The following FAM227B variants were observed in gnomAD, a reference collection of about 807,000 sequenced individuals.
FAM227B encodes the protein protein FAM227B.
FAM227B carries 88 observed loss-of-function variants against 73.8 expected under a neutral mutation model. The observed-to-expected ratio is 1.19, with a 90% CI of 1.00 to 1.42. FAM227B has a LOEUF of 1.42. Ranked by LOEUF, FAM227B falls within the 40% of genes most tolerant of loss-of-function variation. FAM227B has a pLI of 0.00. For missense variants in FAM227B, 632 were observed against 590.9 expected, an observed-to-expected ratio of 1.07 and a Z score of -0.72; for synonymous variants, 210 against 190.5, an observed-to-expected ratio of 1.10 and a Z score of -0.84.
chr15:49,353,788 T>C (rs952722394), intron 13 of FAM227B: 1 of 152,162 alleles, frequency 6.6e-6, no homozygotes, highest in African/African-American at 2.4e-5. Flanking sequence ...AGTTGTTTTT[T>C]TCAGATATTT....
At chr15:49,424,050 C>T (rs895865794) in intron 11 of FAM227B, 4 of 382,312 alleles carry the variant, frequency 1.0e-5, no homozygotes, top group African/African-American at 6.1e-5. Flanking sequence ...TAGCAAACAG[C>T]GTCACAGCAA....
chr15:49,427,232 T>C (rs1321695873), intron 11 of FAM227B, among the ~76,000 whole-genome samples: 8 of 152,026 alleles, frequency 5.3e-5, no homozygotes, highest in Non-Finnish European at 1.0e-4. Context: ...TCAGAATTTG[T>C]TTAAAATAAC....
intron 9 of FAM227B, among the ~76,000 whole-genome samples, chr15:49,553,877 C>G (rs2073338154): frequency 6.6e-6 from 1 of 152,316 alleles, no homozygotes. Context: ...AAGAGCACAG[C>G]TGATGCTCTC....
At chr15:49,465,385 C>A (rs1041965892) in intron 11 of FAM227B, among the ~76,000 whole-genome samples, 5 of 151,892 alleles carry the variant, frequency 3.3e-5, no homozygotes, top group African/African-American at 1.2e-4. Flanking sequence ...ATCTGCCCAC[C>A]TCGGCCTCCC....
rs377668778 is a variant in FAM227B, at chr15:49,615,166, T to C, written c.6A>G (p.Ala2=). ...TCCTCCTTTGACATGTTCGTTGGCCTGCCATGGTACAGTAACTTTGCAGAA... is the reference window on the plus strand; with the variant it reads ...TCCTCCTTTGACATGTTCGTTGGCCCGCCATGGTACAGTAACTTTGCAGAA... M[A]GQRTCQRRSS... The change falls in exon 2 of 16, where the codon GCA becomes GCG. Residue 2 remains alanine, a synonymous_variant. Transcript: ENST00000299338. 4.5e-5 allele frequency: 72 copies of C among 1,614,104 alleles called. 1 individual carries two copies. In the South Asian group the frequency reaches 7.0e-4, roughly 16 times the overall value.
chr15:49,482,169 A>C (rs2056012935), intron 11 of FAM227B, among the ~76,000 whole-genome samples: 1 of 152,148 alleles, frequency 6.6e-6, no homozygotes, highest in Admixed American at 6.5e-5. Context: ...TAGAAAATGT[A>C]ATTAATAGCA....
chr15:49,515,285 C>G (rs1458635286), intron 10 of FAM227B, among the ~76,000 whole-genome samples: 1 of 152,112 alleles, frequency 6.6e-6, no homozygotes, highest in Non-Finnish European at 1.5e-5. Context: ...CATTCTTCAT[C>G]TCTGTTCATG....
chr15:49,514,421 T>A (rs962512982), intron 10 of FAM227B, among the ~76,000 whole-genome samples: 7 of 152,274 alleles, frequency 4.6e-5, no homozygotes, highest in African/African-American at 1.7e-4. Flanking sequence ...TGTATAGGAA[T>A]GCTTGTGATG....
chr15:49,360,383 T>C (rs1271549939), intron 13 of FAM227B, among the ~76,000 whole-genome samples: 2 of 152,184 alleles, frequency 1.3e-5, no homozygotes, highest in Non-Finnish European at 1.5e-5. Context: ...ATGTTAGCAA[T>C]ACAGATATGG....
chr15:49,429,414 C>T (rs2050399843), intron 11 of FAM227B, among the ~76,000 whole-genome samples: 1 of 151,916 alleles, frequency 6.6e-6, no homozygotes, highest in African/African-American at 2.4e-5. Flanking sequence ...TTATGAAGTG[C>T]TAATAAGTTC....
intron 15 of FAM227B, 132 bp from the exon 16 acceptor site, chr15:49,328,807 G>A: frequency 3.5e-6 from 5 of 1,416,740 alleles, no homozygotes; most frequent in African/African-American, 2.9e-5. Context: ...GGAGGATACA[G>A]GAAGAAAATT....
intron 10 of FAM227B, among the ~76,000 whole-genome samples, chr15:49,531,434 C>T (rs1351895188): frequency 6.6e-6 from 1 of 151,456 alleles, no homozygotes; most frequent in African/African-American, 2.4e-5. Flanking sequence ...TAAGATATCT[C>T]TATCAGAATT....
chr15:49,366,018 T>C (rs2045117539), intron 13 of FAM227B: 3 of 802,318 alleles, frequency 3.7e-6, no homozygotes, highest in Admixed American at 3.4e-5. Flanking sequence ...ATATTACAAC[T>C]GTAAGAGGAC....
At chr15:49,340,410 C>CG (rs1217881684) in intron 13 of FAM227B, among the ~76,000 whole-genome samples, 1 of 125,474 alleles carries the variant, frequency 8.0e-6, no homozygotes, top group Non-Finnish European at 1.7e-5. Context: ...CCCGCCCCCC[C>CG]CCTCCCCCCC....
At chr15:49,484,099 G>A (rs934574547) in intron 11 of FAM227B, among the ~76,000 whole-genome samples, 1 of 151,982 alleles carries the variant, frequency 6.6e-6, no homozygotes, top group African/African-American at 2.4e-5. Flanking sequence ...TGTGTATTAT[G>A]TGGTGTTTTT....
At chr15:49,513,721 C>T (rs548566278) in intron 10 of FAM227B, among the ~76,000 whole-genome samples, 33 of 151,942 alleles carry the variant, frequency 2.2e-4, no homozygotes, top group African/African-American at 6.5e-4. Context: ...AGGGTTTTTA[C>T]GGTTTTTGGT....
intron 5 of FAM227B, among the ~76,000 whole-genome samples, chr15:49,580,463 G>A (rs2075742763): frequency 6.6e-6 from 1 of 152,136 alleles, no homozygotes; most frequent in Non-Finnish European, 1.5e-5. Context: ...TCAGCCCTCT[G>A]AAAACATCCA....
chr15:49,526,153 A>G (rs2060189904), intron 10 of FAM227B, among the ~76,000 whole-genome samples: 1 of 152,172 alleles, frequency 6.6e-6, no homozygotes, highest in African/African-American at 2.4e-5. Flanking sequence ...ATGCTTAGCA[A>G]TAAAGCAAGT....
At chr15:49,502,511 C>A (rs1361349542) in intron 11 of FAM227B, among the ~76,000 whole-genome samples, 2 of 152,232 alleles carry the variant, frequency 1.3e-5, no homozygotes, top group Non-Finnish European at 2.9e-5. Flanking sequence ...TTTCTTTTGG[C>A]CGATTTCTCC....
Sources: gnomAD v4.1 joint callset for allele counts (sites outside exome capture counted in the v4.1 genomes callset) on GRCh38, gnomAD v4.1.1 for gene constraint, MANE v1.5 for transcripts, NCBI Gene and HGNC (gene_info 2026-07-23, HGNC 2026-07-21) for gene names.